Variants in PREX1 observed in about 807,000 individuals in gnomAD.
PREX1 encodes phosphatidylinositol-3,4,5-trisphosphate dependent Rac exchange factor 1.
A neutral mutation model predicts 198.3 loss-of-function variants in PREX1; 41 were observed. The ratio of observed to expected loss-of-function variants is 0.21; its 90% CI spans 0.16 to 0.27. PREX1 has a LOEUF of 0.27. Ranked by LOEUF, PREX1 falls within the 10% of genes least tolerant of loss-of-function variation. PREX1 has a pLI of 1.00. For missense variants in PREX1, 1,620 were observed against 2,200.7 expected (o/e 0.74, Z 5.28); for synonymous variants, 843 against 887.2 (o/e 0.95, Z 0.89).
At chr20:48,818,696 T>C (rs1316782588) in intron 1 of PREX1, among the ~76,000 whole-genome samples, 1 of 152,214 alleles carries the variant, frequency 6.6e-6, no homozygotes, top group Non-Finnish European at 1.5e-5. Flanking sequence ...TAAAGTGCTG[T>C]TATGATGCCT....
At chr20:48,682,266 T>C (rs535097191) in intron 10 of PREX1, among the ~76,000 whole-genome samples, 1 of 152,290 alleles carries the variant, frequency 6.6e-6, no homozygotes, top group East Asian at 1.9e-4. Flanking sequence ...ATCCTTCAGG[T>C]CTCAGCACAA....
intron 10 of PREX1, 152 bp downstream of exon 10, chr20:48,688,505 T>C: frequency 1.0e-6 from 1 of 978,682 alleles, no homozygotes. Flanking sequence ...TCTTGATCTC[T>C]GAGGGCTGCT....
chr20:48,694,006 G>A (rs1336951419), intron 7 of PREX1, among the ~76,000 whole-genome samples: 1 of 151,984 alleles, frequency 6.6e-6, no homozygotes, highest in Non-Finnish European at 1.5e-5. Flanking sequence ...CCACCTCCCA[G>A]GTTCAAGCGA....
intron 25 of PREX1, among the ~76,000 whole-genome samples, chr20:48,647,519 C>CAAAAA (rs765244255): frequency 1.3e-3 from 64 of 49,312 alleles, no homozygotes; most frequent in East Asian, 1.9e-3. Flanking sequence ...GACAACATCT[C>CAAAAA]AAAAAAAAAA....
chr20:48,642,555 T>C, intron 27 of PREX1, 66 bp from the exon 28 acceptor site: 1 of 1,384,284 alleles, frequency 7.2e-7, no homozygotes, highest in Non-Finnish European at 1.0e-6. Context: ...CCCCAGCACT[T>C]TCCTAAGAGG....
At chr20:48,652,979 C>T (rs1182930037) in intron 20 of PREX1, among the ~76,000 whole-genome samples, 1 of 152,332 alleles carries the variant, frequency 6.6e-6, no homozygotes, top group East Asian at 1.9e-4. Flanking sequence ...CACACACACA[C>T]TGAGTGAACC....
chr20:48,634,038 A>AATGG (rs151089918), intron 33 of PREX1, among the ~76,000 whole-genome samples: 3 of 147,770 alleles, frequency 2.0e-5, no homozygotes, highest in Non-Finnish European at 4.5e-5. Context: ...TCGATGGATG[A>AATGG]ATGGATGCAT....
chr20:48,748,761 C>T (rs528166826), intron 1 of PREX1, among the ~76,000 whole-genome samples: 1 of 152,176 alleles, frequency 6.6e-6, no homozygotes, highest in Non-Finnish European at 1.5e-5. Context: ...GAGGGTGCAC[C>T]ATTCATGTGG....
chr20:48,649,798 T>C (rs1482141104), intron 24 of PREX1, among the ~76,000 whole-genome samples, 198 bp downstream of exon 24: 2 of 152,268 alleles, frequency 1.3e-5, no homozygotes, highest in Non-Finnish European at 2.9e-5. Flanking sequence ...GCAGACATGA[T>C]GGCTGGTACC....
the PREX1 span, among the ~76,000 whole-genome samples, chr20:48,848,369 C>G: frequency 6.6e-6 from 1 of 151,954 alleles, no homozygotes; most frequent in African/African-American, 2.4e-5. Flanking sequence ...ATCCTCCCAC[C>G]TCAGCCTCCC....
At chr20:48,698,889 T>C (rs888117373) in intron 7 of PREX1, among the ~76,000 whole-genome samples, 7 of 152,184 alleles carry the variant, frequency 4.6e-5, no homozygotes, top group Non-Finnish European at 5.9e-5. Context: ...ATACGATCAT[T>C]CACTCTGTTT....
intron 3 of PREX1, among the ~76,000 whole-genome samples, chr20:48,738,530 C>T (rs1439481417): frequency 2.6e-5 from 4 of 152,224 alleles, no homozygotes; most frequent in South Asian, 2.1e-4. Flanking sequence ...CCTGCAAATA[C>T]GGAAACGCTG....
At chr20:48,686,678 G>T (rs2089786841) in intron 10 of PREX1, among the ~76,000 whole-genome samples, 2 of 152,190 alleles carry the variant, frequency 1.3e-5, no homozygotes, top group African/African-American at 4.8e-5. Flanking sequence ...CAGCCAGCAG[G>T]ACTCCAAGGC....
chr20:48,831,957 C>T (rs2090537976), upstream of PREX1, among the ~76,000 whole-genome samples: 1 of 151,644 alleles, frequency 6.6e-6, no homozygotes, highest in Non-Finnish European at 1.5e-5. Context: ...AGATCTCTTC[C>T]TATCCCCATT....
rs575885927 is a variant in PREX1 at position 48,797,305 on chromosome 20, C to G, written c.219+30337G>C. Among the ~76,000 whole-genome samples the G allele has an allele frequency of 3.4e-4, 52 of 152,048 alleles. No homozygotes were observed. The South Asian group carries it at 0.011, about 32-fold the overall frequency. On this transcript the variant is annotated intron_variant, in intron 1 of 39. Coordinates refer to ENST00000371941, the MANE Select transcript of PREX1 (RefSeq NM_020820.4). ...GCCTTTGTGGTTGAGTCCAGCAGAGCAGGACAAAGGGCCAAATGACGGCCC... is the reference window on the plus strand; with the variant it reads ...GCCTTTGTGGTTGAGTCCAGCAGAGGAGGACAAAGGGCCAAATGACGGCCC...
At chr20:48,757,146 C>T (rs1314236066) in intron 1 of PREX1, among the ~76,000 whole-genome samples, 1 of 152,046 alleles carries the variant, frequency 6.6e-6, no homozygotes, top group African/African-American at 2.4e-5. Flanking sequence ...GAATCAAATG[C>T]CAGTTCTTCT....
chr20:48,823,861 A>C (rs1037315454), intron 1 of PREX1, among the ~76,000 whole-genome samples: 2 of 152,192 alleles, frequency 1.3e-5, no homozygotes, highest in Non-Finnish European at 2.9e-5. Flanking sequence ...AAATCCTGGC[A>C]ATGCTGTCCA....
chr20:48,661,444 A>AAAAATATAT (rs1555832820), intron 15 of PREX1, among the ~76,000 whole-genome samples: 5 of 49,588 alleles, frequency 1.0e-4, no homozygotes, highest in African/African-American at 3.7e-4. Flanking sequence ...AAAAAAAAAA[A>AAAAATATAT]ATATATATAT....
At chr20:48,747,362 C>T (rs541259028) in intron 2 of PREX1, among the ~76,000 whole-genome samples, 17 of 152,370 alleles carry the variant, frequency 1.1e-4, no homozygotes, top group Non-Finnish European at 2.5e-4. Context: ...CAAGGCCAAA[C>T]TGGACCCAAT....
Sources: allele counts gnomAD v4.1 joint callset (sites outside exome capture counted in the v4.1 genomes callset), GRCh38; gene constraint gnomAD v4.1.1; transcripts MANE v1.5; gene names NCBI Gene and HGNC (gene_info 2026-07-23, HGNC 2026-07-21).